The following RPH3A variants were observed in gnomAD, a reference collection of about 807,000 sequenced individuals.
RPH3A encodes rabphilin-3A.
In RPH3A, 48 loss-of-function variants were observed where a neutral mutation model predicts 102.2. That is an observed-to-expected ratio of 0.47 (90% CI 0.37 to 0.60). The LOEUF is 0.60. Ranked by LOEUF, RPH3A falls within the 20% of genes least tolerant of loss-of-function variation. The pLI, the probability that RPH3A is intolerant of heterozygous loss-of-function variation, is 0.00. For synonymous variants in RPH3A, 310 were observed against 324.3 expected (o/e 0.96, Z 0.47); for missense variants, 781 against 910.1 (o/e 0.86, Z 1.83).
At chr12:112,590,528 G>C (rs991838087) in intron 1 of RPH3A, among the ~76,000 whole-genome samples, 54 of 152,214 alleles carry the variant, frequency 3.5e-4, no homozygotes, top group African/African-American at 1.3e-3. Flanking sequence ...GTGGACATCA[G>C]GGCTCAGTGT....
intron 16 of RPH3A, among the ~76,000 whole-genome samples, chr12:112,884,947 C>G (rs1462981229): frequency 6.6e-6 from 1 of 152,086 alleles, no homozygotes; most frequent in Non-Finnish European, 1.5e-5. Context: ...TGTTTTTGTA[C>G]TTTATATAAA....
intron 2 of RPH3A, among the ~76,000 whole-genome samples, chr12:112,819,244 T>C (rs1033789825): frequency 6.6e-6 from 1 of 151,990 alleles, no homozygotes; most frequent in Non-Finnish European, 1.5e-5. Context: ...TAGCTGGGAT[T>C]ACAGGCATGC....
At position 112,796,096 on chromosome 12, in the gene RPH3A, G is replaced by A. The variant is rs540467323; in HGVS notation, c.-19+3833G>A. Among the ~76,000 whole-genome samples the A allele has an allele frequency of 2.0e-5, 3 of 152,294 alleles. No individual in the cohort carries two copies. The South Asian group carries it at 6.2e-4, about 32-fold the overall frequency. On this transcript the variant is annotated intron_variant, in intron 2 of 21. Coordinates refer to ENST00000389385, the MANE Select transcript of RPH3A (RefSeq NM_001143854.2). ...TCCCCATAACTCAGTTTCTTCATCT[G>A]TGAAATGGGCAAAATGACTCCCTCT...
intron 2 of RPH3A, among the ~76,000 whole-genome samples, chr12:112,820,752 CTG>C (rs1325487538): frequency 6.6e-6 from 1 of 152,192 alleles, no homozygotes; most frequent in Non-Finnish European, 1.5e-5. Flanking sequence ...AGGATGAACT[CTG>C]TGCCTACTTT....
At chr12:112,685,895 G>C (rs1052857374) in intron 1 of RPH3A, among the ~76,000 whole-genome samples, 15 of 152,214 alleles carry the variant, frequency 9.9e-5, no homozygotes, top group African/African-American at 3.6e-4. Flanking sequence ...TTTGTGTTGG[G>C]TATTTGAATG....
At chr12:112,636,858 G>A (rs1286734846) in intron 1 of RPH3A, among the ~76,000 whole-genome samples, 1 of 152,038 alleles carries the variant, frequency 6.6e-6, no homozygotes, top group Non-Finnish European at 1.5e-5. Flanking sequence ...ACTAGCTCAG[G>A]CACCCTACCC....
In RPH3A at chr12:112,863,508, C is replaced by T. The variant is rs548535646; in HGVS notation, c.231-1906C>T. Among the ~76,000 whole-genome samples the T allele has an allele frequency of 3.9e-4, 60 of 152,280 alleles. 1 individual carries two copies. The Middle Eastern group carries it at 0.01, about 26-fold the overall frequency. ...AATTTTTTTGTATTTTTAGTAGAGA[C>T]GGGGTTTCACCATGTTGGTCAGCCT... is the stretch of plus-strand genomic sequence containing the variant. On this transcript the variant is annotated intron_variant, in intron 5 of 21. Transcript: ENST00000389385.
chr12:112,782,735 T>C (rs1179957965), intron 1 of RPH3A, among the ~76,000 whole-genome samples: 1 of 152,236 alleles, frequency 6.6e-6, no homozygotes, highest in Non-Finnish European at 1.5e-5. Context: ...TTCATGGATA[T>C]ACCAAGACTA....
At position 112,749,506 on chromosome 12, in the gene RPH3A, G is replaced by A. The variant is rs763813374; in HGVS notation, c.-139-42637G>A. 7.9e-5 allele frequency among the ~76,000 whole-genome samples: 12 copies of A among 152,078 alleles called. No individual in the cohort carries two copies. In the East Asian group the frequency reaches 1.9e-3, roughly 24 times the overall value. ...TTACATCCCATTTTAAAGATTCAGC[G>A]TTTTCTCCTTTGAGAAGGGTCATTT... is the stretch of plus-strand genomic sequence containing the variant. On this transcript the variant is annotated intron_variant, in intron 1 of 21. Coordinates refer to the RPH3A transcript ENST00000543106.
chr12:112,838,573 G>C lies in RPH3A; in HGVS notation c.83+2071G>C, dbSNP rs867275564. Among the ~76,000 whole-genome samples, 4 of 152,340 alleles carry C rather than the reference G, an allele frequency of 2.6e-5. 1 individual carries two copies. The Middle Eastern group carries it at 0.014, about 518-fold the overall frequency. On this transcript the variant is annotated intron_variant, in intron 4 of 21. Transcript: ENST00000389385. Reference sequence around the variant, plus strand: ...CATGTTGGCATCCAAGGGGAAGGGAGGGGGAGAAGAAGAAAGAAAAGAAAA... The same window carrying C: ...CATGTTGGCATCCAAGGGGAAGGGACGGGGAGAAGAAGAAAGAAAAGAAAA...
rs1187508298 is a variant in RPH3A at position 112,897,042 on chromosome 12, A to C, written c.*262A>C. On this transcript the variant is annotated 3_prime_UTR_variant, in exon 22 of 22. Coordinates refer to ENST00000389385, the MANE Select transcript of RPH3A (RefSeq NM_001143854.2). ...GGGATGGGGTTGGGGAGACGTTTAC[A>C]AAGAGGTTGATCATTTAATAACCTC... 4 of 427,670 alleles carry C rather than the reference A, an allele frequency of 9.4e-6. No homozygotes were observed. Among genetic ancestry groups the C allele is most frequent in the Non-Finnish European group, 1.7e-5 (4 of 233,378 alleles). The allele number at this position is 427,670 out of a possible 1,614,324, so 26.5% of individuals were successfully genotyped here.
At chr12:112,799,760 G>C (rs749233377) in intron 2 of RPH3A, among the ~76,000 whole-genome samples, 2 of 152,182 alleles carry the variant, frequency 1.3e-5, no homozygotes, top group Non-Finnish European at 2.9e-5. Context: ...GGGGATATAG[G>C]GTAGAGATTG....
chr12:112,856,982 G>C (rs888039612), intron 5 of RPH3A, among the ~76,000 whole-genome samples: 3 of 152,048 alleles, frequency 2.0e-5, no homozygotes, highest in African/African-American at 7.2e-5. Flanking sequence ...CTCCAGAATT[G>C]GCACCCCAAC....
At chr12:112,729,282 G>A (rs1263818230) in intron 1 of RPH3A, among the ~76,000 whole-genome samples, 2 of 152,072 alleles carry the variant, frequency 1.3e-5, no homozygotes, top group Non-Finnish European at 2.9e-5. Context: ...ACCCAGCTAG[G>A]AGACTGAAAT....
intron 1 of RPH3A, among the ~76,000 whole-genome samples, chr12:112,586,320 G>A (rs1434524724): frequency 1.3e-5 from 2 of 152,116 alleles, no homozygotes; most frequent in Non-Finnish European, 2.9e-5. Context: ...ACACAAATTA[G>A]CTAATGAGTA....
chr12:112,774,960 TTAAAA>T (rs1237872114), intron 1 of RPH3A, among the ~76,000 whole-genome samples: 3 of 151,452 alleles, frequency 2.0e-5, no homozygotes, highest in African/African-American at 7.3e-5. Context: ...ACCCCAGAAC[TTAAAA>T]TAAAAATGAA....
At chr12:112,895,594 T>C (rs2043166618) in intron 20 of RPH3A, 183 bp from the exon 21 acceptor site, 1 of 552,182 alleles carries the variant, frequency 1.8e-6, no homozygotes, top group East Asian at 2.8e-5. Flanking sequence ...TTACACAGAG[T>C]GTTTGTTGGA....
intron 1 of RPH3A, among the ~76,000 whole-genome samples, chr12:112,579,563 T>A (rs2039382494): frequency 6.6e-6 from 1 of 152,252 alleles, no homozygotes. Context: ...TTAATTTTTA[T>A]GATCTTGTTT....
intron 1 of RPH3A, among the ~76,000 whole-genome samples, chr12:112,636,238 T>C (rs1028391233): frequency 5.3e-5 from 8 of 152,182 alleles, no homozygotes; most frequent in Non-Finnish European, 1.0e-4. Context: ...GAAGACTAAA[T>C]GGAGACCACC....
Sources: gnomAD v4.1 joint callset for allele counts (sites outside exome capture counted in the v4.1 genomes callset) on GRCh38, gnomAD v4.1.1 for gene constraint, MANE v1.5 for transcripts, NCBI Gene and HGNC (gene_info 2026-07-23, HGNC 2026-07-21) for gene names.